The following PUM2 variants were observed in gnomAD, a reference collection of about 807,000 sequenced individuals.
PUM2 encodes pumilio RNA binding family member 2, also known as pumilio homolog 2.
In PUM2, 57 loss-of-function variants were observed where a neutral mutation model predicts 124.5. The ratio of observed to expected loss-of-function variants is 0.46; its 90% CI spans 0.37 to 0.57. The LOEUF (loss-of-function observed/expected upper bound fraction) is 0.57, where lower values mean the gene tolerates loss of function less well. PUM2 is among the 20% of genes least tolerant of loss of function. The probability of loss-of-function intolerance (pLI) is 0.00; values close to 1 mark genes in which losing one functional copy is unlikely to be tolerated. For synonymous variants in PUM2, 460 were observed against 446.1 expected (o/e 1.03, Z -0.39); for missense variants, 1,065 against 1,290.6 (o/e 0.83, Z 2.68).
At chr2:20,308,634 T>A in intron 5 of PUM2, 50 bp from the exon 6 acceptor site, 1 of 1,498,266 alleles carries the variant, frequency 6.7e-7, no homozygotes, top group Non-Finnish European at 9.0e-7. Flanking sequence ...ACAAGTCAAA[T>A]AGCGAAATGG....
At chr2:20,310,504 CTTAGA>C (rs1301349352) in intron 5 of PUM2, among the ~76,000 whole-genome samples, 1 of 151,966 alleles carries the variant, frequency 6.6e-6, no homozygotes, top group East Asian at 1.9e-4. Context: ...TTTACTAAAA[CTTAGA>C]TTAGGTAATA....
At chr2:20,302,568 TACC>T (rs1470717617) in intron 7 of PUM2, among the ~76,000 whole-genome samples, 1 of 152,190 alleles carries the variant, frequency 6.6e-6, no homozygotes, top group Non-Finnish European at 1.5e-5. Flanking sequence ...CTCATCACTC[TACC>T]CTAAACAAGC....
At chr2:20,349,789 G>C (rs192698601) in intron 1 of PUM2, among the ~76,000 whole-genome samples, 56 of 152,280 alleles carry the variant, frequency 3.7e-4, no homozygotes, top group African/African-American at 1.3e-3. Context: ...AAAGTACTAA[G>C]TCCTAACATG....
chr2:20,350,453 G>C, intron 1 of PUM2, 144 bp downstream of exon 1: 1 of 980,740 alleles, frequency 1.0e-6, no homozygotes, highest in Non-Finnish European at 1.2e-6. Flanking sequence ...GCGGGCCCCA[G>C]GCCGCACCGG....
intron 1 of PUM2, 187 bp downstream of exon 1, chr2:20,350,410 C>T: frequency 1.3e-5 from 12 of 898,596 alleles, no homozygotes; most frequent in Non-Finnish European, 1.6e-5. Context: ...CGCGCACACC[C>T]CCTTCCGGCA....
At chr2:20,307,645 A>G (rs1020944357) in intron 7 of PUM2, among the ~76,000 whole-genome samples, 2 of 152,350 alleles carry the variant, frequency 1.3e-5, no homozygotes, top group East Asian at 3.9e-4. Flanking sequence ...AAAATATTTT[A>G]CAAAAAAATG....
At chr2:20,344,964 C>T (rs112607834) in intron 1 of PUM2, among the ~76,000 whole-genome samples, 2,265 of 112,068 alleles carry the variant, frequency 0.02, 28 homozygotes, top group Non-Finnish European at 0.026. Flanking sequence ...GCCAGAGCAA[C>T]GGAGGGAGAC....
At chr2:20,298,846 T>C (rs968603236) in intron 7 of PUM2, among the ~76,000 whole-genome samples, 3 of 151,984 alleles carry the variant, frequency 2.0e-5, no homozygotes, top group East Asian at 1.9e-4. Flanking sequence ...CTCAGAATAA[T>C]AACAATAACA....
intron 1 of PUM2, among the ~76,000 whole-genome samples, chr2:20,344,739 T>A (rs889091172): frequency 6.6e-6 from 1 of 151,930 alleles, no homozygotes; most frequent in African/African-American, 2.4e-5. Flanking sequence ...TCCCAGCACT[T>A]TGGGAGGCTG....
Position 20,251,624 on chromosome 2 carries a change from G to C in PUM2, c.3156C>G (p.Asp1052Glu). ...LEKYYLKNSPDLGPIGGPPNG... is the reference protein window; with the variant it reads ...LEKYYLKNSPELGPIGGPPNG... ...TTGGTGGTCCTCCAATAGGTCCTAG[G>C]TCCGGGCTATTCTTCAAATAATACT... Residue 1052 changes from aspartate (D) to glutamate (E), a missense_variant, in exon 21 of 21, where the codon GAC (aspartate) becomes GAG (glutamate). This residue lies in a region of PUM2 where 968 missense variants were observed against 1,159.8 expected (regional missense o/e 0.83). Coordinates refer to ENST00000361078, the MANE Select transcript of PUM2 (RefSeq NM_015317.5). 6.2e-7 allele frequency: 1 copy of C among 1,613,816 alleles called. No homozygotes were observed. The highest frequency in any genetic ancestry group is 8.5e-7 in the Non-Finnish European group (1 of 1,179,824).
rs770281539 is a variant in PUM2, at chr2:20,251,691, C to T, written c.3089G>A (p.Arg1030His). The T allele has an allele frequency of 1.9e-6, 3 of 1,613,296 alleles. No individual in the cohort carries two copies. Among genetic ancestry groups the T allele is most frequent in the South Asian group, 1.1e-5 (1 of 91,026 alleles). The stretch of plus-strand genomic sequence containing the variant: ...TATATGCTTCCCGTATGTGTATTTG[C>T]GCAAAGTAGTAATGTGAGGTCGAAT... ...HKIRPHITTL[R>H]KYTYGKHILA... The change falls in exon 21 of 21, where the codon CGC (arginine) becomes CAC (histidine). Residue 1030 changes from arginine to histidine, a missense_variant. Transcript: ENST00000361078.
intron 1 of PUM2, among the ~76,000 whole-genome samples, chr2:20,328,177 T>C (rs1175696440): frequency 6.6e-6 from 1 of 152,026 alleles, no homozygotes; most frequent in East Asian, 1.9e-4. Flanking sequence ...CTACCAAAAA[T>C]ACAAAAAAAT....
At chr2:20,323,908 CAAAAAAAAAAAAA>C (rs397984008) in intron 2 of PUM2, among the ~76,000 whole-genome samples, 46 of 58,438 alleles carry the variant, frequency 7.9e-4, no homozygotes, top group East Asian at 4.2e-3. Flanking sequence ...TACGGACTAG[CAAAAAAAAAAAAA>C]AAAAAAAAAA....
intron 13 of PUM2, among the ~76,000 whole-genome samples, chr2:20,266,234 T>C (rs1044545618): frequency 2.0e-5 from 3 of 152,086 alleles, no homozygotes; most frequent in African/African-American, 7.2e-5. Flanking sequence ...CTCGAGGTCA[T>C]GAGTCTGAGA....
At chr2:20,312,479 T>A in intron 3 of PUM2, 56 bp from the exon 4 acceptor site, 1 of 1,456,162 alleles carries the variant, frequency 6.9e-7, no homozygotes, top group Non-Finnish European at 9.3e-7. Context: ...AAACAAAATG[T>A]AGTTAAATTA....
At chr2:20,264,336 C>A (rs1364496172) in intron 13 of PUM2, among the ~76,000 whole-genome samples, 2 of 25,380 alleles carry the variant, frequency 7.9e-5, no homozygotes, top group Non-Finnish European at 1.2e-4. Flanking sequence ...CACTCTGTCT[C>A]AAAAAAAAAA....
intron 9 of PUM2, among the ~76,000 whole-genome samples, chr2:20,293,006 G>A (rs116710941): frequency 0.014 from 2,197 of 152,240 alleles, 67 homozygotes; most frequent in African/African-American, 0.049. Flanking sequence ...AAATAAATTC[G>A]AATTTGTTAC....
chr2:20,302,131 T>C (rs538434205), intron 7 of PUM2, among the ~76,000 whole-genome samples: 14 of 152,354 alleles, frequency 9.2e-5, no homozygotes, highest in Non-Finnish European at 5.9e-5. Context: ...CAGGCTGGTC[T>C]TGACCTCCTA....
At chr2:20,328,561 G>T (rs1230296376) in intron 1 of PUM2, among the ~76,000 whole-genome samples, 1 of 152,120 alleles carries the variant, frequency 6.6e-6, no homozygotes, top group African/African-American at 2.4e-5. Flanking sequence ...AACTACCATA[G>T]CTGTGTTCAA....
Sources: allele counts gnomAD v4.1 joint callset (sites outside exome capture counted in the v4.1 genomes callset), GRCh38; gene constraint gnomAD v4.1.1; regional missense constraint gnomAD v4.1.1; transcripts MANE v1.5; gene names NCBI Gene and HGNC (gene_info 2026-07-23, HGNC 2026-07-21).